MTHFD2: variants seen among roughly 807,000 people sequenced by gnomAD.
MTHFD2 encodes methylenetetrahydrofolate dehydrogenase (NADP+ dependent) 2, methenyltetrahydrofolate cyclohydrolase.
In MTHFD2, 26 loss-of-function variants were observed where a neutral mutation model predicts 36.8. The ratio of observed to expected loss-of-function variants is 0.71; its 90% CI spans 0.52 to 0.98. The LOEUF is 0.98. Among genes scored for constraint, MTHFD2 ranks in the 50% least tolerant of loss-of-function variants. MTHFD2 has a pLI of 0.00. For synonymous variants in MTHFD2, 164 were observed against 155.2 expected (o/e 1.06, Z -0.42); for missense variants, 373 against 434.0 (o/e 0.86, Z 1.25).
At chr2:74,198,814 C>CT in intron 1 of MTHFD2, 72 bp downstream of exon 1, 2 of 1,300,508 alleles carry the variant, frequency 1.5e-6, no homozygotes, top group Non-Finnish European at 2.1e-6. Context: ...CGCCGGGCCC[C>CT]CGAGGGACAC....
chr2:74,214,036 T>C, intron 7 of MTHFD2, 43 bp from the exon 8 acceptor site: 5 of 1,593,842 alleles, frequency 3.1e-6, no homozygotes, highest in Non-Finnish European at 4.3e-6. Context: ...ACACATGTCC[T>C]TTGCCATAAC....
intron 7 of MTHFD2, 23 bp downstream of exon 7, chr2:74,211,889 T>C (rs1694312229): frequency 6.3e-7 from 1 of 1,587,618 alleles, no homozygotes; most frequent in Non-Finnish European, 8.6e-7. Context: ...ATTTTATTTT[T>C]AAAAATGAAA....
intron 7 of MTHFD2, among the ~76,000 whole-genome samples, chr2:74,212,265 T>TG (rs1694325692): frequency 3.9e-5 from 2 of 51,178 alleles, no homozygotes; most frequent in African/African-American, 1.2e-4. Context: ...TTCTTTCTCT[T>TG]TTTTTTTTTT....
At chr2:74,201,537 T>TA (rs1694042531) in intron 1 of MTHFD2, among the ~76,000 whole-genome samples, 1 of 151,412 alleles carries the variant, frequency 6.6e-6, no homozygotes, top group South Asian at 2.1e-4. Context: ...TTTTTTTTTT[T>TA]AACTTTTAGT....
rs1401377547 is a variant in MTHFD2, at chr2:74,209,932, A to G, written c.563-10A>G. Reference sequence around the variant, plus strand: ...CACTACTTTTAATGTCAATACATATATTTTTATAGGCATTCCAACCCTAGG... The same window carrying G: ...CACTACTTTTAATGTCAATACATATGTTTTTATAGGCATTCCAACCCTAGG... On this transcript the variant is annotated splice_polypyrimidine_tract_variant and intron_variant, in intron 4 of 7. Transcript: ENST00000394053. The G allele has an allele frequency of 1.9e-6, 3 of 1,607,106 alleles. No individual in the cohort carries two copies. Among genetic ancestry groups the G allele is most frequent in the African/African-American group, 1.3e-5 (1 of 74,712 alleles).
rs376901195 is a variant in MTHFD2, at chr2:74,198,640, C to G, written c.-2C>G. On this transcript the variant is annotated 5_prime_UTR_variant, in exon 1 of 8. Transcript: ENST00000394053. ...CTCCCGGCGCAGTCACCGGCGCGGT[C>G]TATGGCTGCGACTTCTCTAATGTCT... 4 of 1,606,714 alleles carry G rather than the reference C, an allele frequency of 2.5e-6. No homozygotes were observed. Among genetic ancestry groups the G allele is most frequent in the African/African-American group, 2.7e-5 (2 of 74,650 alleles).
In MTHFD2 at chr2:74,215,887, G is replaced by A. The variant is rs1694430762; in HGVS notation, c.*1645G>A. 1 of 152,464 alleles carries A rather than the reference G, an allele frequency of 6.6e-6. No homozygotes were observed. The highest frequency in any genetic ancestry group is 2.4e-5 in the African/African-American group (1 of 41,452). 9.4% of individuals were successfully genotyped at this position (152,464 alleles called of 1,614,324 possible). ...GCCTCCCAAAATGCTAGGATTACAG[G>A]CGTGAGCCACTGCACCTGGCCTGTC... On this transcript the variant is annotated 3_prime_UTR_variant, in exon 8 of 8. Coordinates refer to ENST00000394053, the MANE Select transcript of MTHFD2 (RefSeq NM_006636.4).
At chr2:74,199,662 T>C (rs1448437138) in intron 1 of MTHFD2, among the ~76,000 whole-genome samples, 1 of 149,502 alleles carries the variant, frequency 6.7e-6, no homozygotes, top group African/African-American at 2.5e-5. Context: ...GAGCCGTGAT[T>C]GCACCACTGC....
Position 74,214,067 on chromosome 2 carries a change from G to C in MTHFD2, c.890-12G>C. 2.5e-6 allele frequency: 4 copies of C among 1,610,966 alleles called. No homozygotes were observed. Among genetic ancestry groups the C allele is most frequent in the South Asian group, 1.1e-5 (1 of 90,556 alleles). On this transcript the variant is annotated splice_polypyrimidine_tract_variant and intron_variant, in intron 7 of 7. Transcript: ENST00000394053. ...ATAACTAAAGCAGCCTGCCTGTCTT[G>C]TTTCTATGTAGGAGTCAGACAAAAA...
chr2:74,202,271 A>T (rs912973211), intron 1 of MTHFD2, among the ~76,000 whole-genome samples: 6 of 152,110 alleles, frequency 3.9e-5, no homozygotes, highest in Non-Finnish European at 5.9e-5. Context: ...TATATATATA[A>T]AACCAAGAGA....
rs759850634 is a variant in MTHFD2, at chr2:74,198,759, G to A, written c.101+17G>A. 3.8e-6 allele frequency: 6 copies of A among 1,591,050 alleles called. No homozygotes were observed. The highest frequency in any genetic ancestry group is 5.1e-6 in the Non-Finnish European group (6 of 1,169,734). ...GGCAGTTCGGTAAGAGGGTCACAGA[G>A]CTCGGTCAGCGCGGAAAGCTGAGGG... is the stretch of plus-strand genomic sequence containing the variant. On this transcript the variant is annotated intron_variant, in intron 1 of 7. Transcript: ENST00000394053.
At chr2:74,213,135 C>T (rs931919901) in intron 7 of MTHFD2, among the ~76,000 whole-genome samples, 6 of 152,018 alleles carry the variant, frequency 3.9e-5, no homozygotes, top group Admixed American at 2.6e-4. Context: ...AACTCCTGGC[C>T]TCAAGTGATC....
In MTHFD2 at chr2:74,198,739, T is replaced by C. The variant is rs1693963949; in HGVS notation, c.98T>C (p.Val33Ala). ...CTTCGCCCTTTCCACCTCGCGGCAG[T>C]TCGGTAAGAGGGTCACAGAGCTCGG... ...LRLRPFHLAA[V>A]RNEAVVISGR... The change falls in exon 1 of 8, where the codon GTT becomes GCT. Residue 33 changes from valine to alanine, a missense_variant. By Grantham distance (64) the Val-to-Ala change is moderately conservative (BLOSUM62 0). Coordinates refer to ENST00000394053, the MANE Select transcript of MTHFD2 (RefSeq NM_006636.4). 1 of 1,607,936 alleles carries C rather than the reference T, an allele frequency of 6.2e-7. No homozygotes were observed. The highest frequency in any genetic ancestry group is 1.3e-5 in the African/African-American group (1 of 74,730).
At chr2:74,210,293 T>C (rs1297290299) in intron 5 of MTHFD2, among the ~76,000 whole-genome samples, 3 of 152,250 alleles carry the variant, frequency 2.0e-5, no homozygotes, top group South Asian at 4.1e-4. Flanking sequence ...AGTATAAGCA[T>C]GGTTGTAGGC....
In MTHFD2 at chr2:74,198,664, C is replaced by A. The variant is rs1326004006; in HGVS notation, c.23C>A (p.Ser8Tyr). 2 of 1,610,988 alleles carry A rather than the reference C, an allele frequency of 1.2e-6. No homozygotes were observed. The highest frequency in any genetic ancestry group is 1.7e-6 in the Non-Finnish European group (2 of 1,178,942). MAATSLM[S>Y]ALAARLLQPA... ...TCTATGGCTGCGACTTCTCTAATGT[C>A]TGCTTTGGCTGCCCGGCTGCTGCAG... The change falls in exon 1 of 8, where the codon TCT becomes TAT. Residue 8 changes from serine to tyrosine, a missense_variant. Physicochemically the swap from Ser to Tyr is moderately radical, Grantham distance 144. Transcript: ENST00000394053.
Position 74,199,707 on chromosome 2 carries a change from C to CA in MTHFD2, c.101+987dup, listed in dbSNP as rs34436782. Among the ~76,000 whole-genome samples the CA allele has an allele frequency of 9.2e-3, 949 of 103,358 alleles. 7 individuals carry two copies. The highest frequency in any genetic ancestry group is 0.025 in the South Asian group (71 of 2,800). The allele number at this position is 103,358 out of a possible 152,430, so 67.8% of individuals were successfully genotyped here. ...TGGGCGACAGAGCGAGACCCTGTCT[C>CA]AAAAAAAAAAAAAAAAAAAAAAGTT... is the stretch of plus-strand genomic sequence containing the variant. On this transcript the variant is annotated intron_variant, in intron 1 of 7. Coordinates refer to ENST00000394053, the MANE Select transcript of MTHFD2 (RefSeq NM_006636.4).
At position 74,217,464 on chromosome 2, in the gene MTHFD2, T is replaced by C. The variant is rs1694481966; in HGVS notation, c.*3222T>C. ...ACTAGGTTGATTAATATTGCAAAGT[T>C]GTAATGTAAAATGTGACCTTACCTC... On this transcript the variant is annotated 3_prime_UTR_variant, in exon 8 of 8. Transcript: ENST00000394053. 1 of 152,216 alleles carries C rather than the reference T, an allele frequency of 6.6e-6. No individual in the cohort carries two copies. The highest frequency in any genetic ancestry group is 1.5e-5 in the Non-Finnish European group (1 of 68,032). 9.4% of individuals were successfully genotyped at this position (152,216 alleles called of 1,614,324 possible).
intron 1 of MTHFD2, among the ~76,000 whole-genome samples, chr2:74,199,299 C>T (rs113018652): frequency 1.3e-5 from 2 of 152,290 alleles, no homozygotes; most frequent in African/African-American, 4.8e-5. Flanking sequence ...TGCCTCCGCT[C>T]TGCCAGGAAC....
chr2:74,208,965 C>A (rs1694245125), intron 4 of MTHFD2, among the ~76,000 whole-genome samples: 1 of 151,880 alleles, frequency 6.6e-6, no homozygotes, highest in East Asian at 1.9e-4. Flanking sequence ...CCTCTGCCTC[C>A]TGAGTTCAAG....
Sources: allele counts gnomAD v4.1 joint callset (sites outside exome capture counted in the v4.1 genomes callset), GRCh38; gene constraint gnomAD v4.1.1; transcripts MANE v1.5; gene names NCBI Gene and HGNC (gene_info 2026-07-23, HGNC 2026-07-21).